IL1B: variants seen among roughly 807,000 people sequenced by gnomAD.
IL1B encodes the protein interleukin-1 beta.
A neutral mutation model predicts 26.2 loss-of-function variants in IL1B; 11 were observed. The observed-to-expected ratio is 0.42, with a 90% CI of 0.26 to 0.70. The LOEUF (loss-of-function observed/expected upper bound fraction) is 0.70, where lower values mean the gene tolerates loss of function less well. Ranked by LOEUF, IL1B falls within the 30% of genes least tolerant of loss-of-function variation. The pLI is 0.25. For missense variants in IL1B, 255 were observed against 327.5 expected, an observed-to-expected ratio of 0.78 and a Z score of 1.71; for synonymous variants, 118 against 120.8, an observed-to-expected ratio of 0.98 and a Z score of 0.15.
chr2:112,830,335 A>C lies in IL1B; in HGVS notation c.*26T>G. The C allele has an allele frequency of 6.3e-7, 1 of 1,580,758 alleles. No individual in the cohort carries two copies. Among genetic ancestry groups the C allele is most frequent in the Non-Finnish European group, 8.7e-7 (1 of 1,149,664 alleles). ...CCTAGGGATTGAGTCCACATTCAGC[A>C]CAGGACTCTCTGGGTACAGCTCTCT... On this transcript the variant is annotated 3_prime_UTR_variant, in exon 7 of 7. Coordinates refer to ENST00000263341, the MANE Select transcript of IL1B (RefSeq NM_000576.3).
chr2:112,831,771 A>G (rs1013673697), intron 5 of IL1B, among the ~76,000 whole-genome samples: 22 of 152,302 alleles, frequency 1.4e-4, no homozygotes, highest in African/African-American at 5.3e-4. Flanking sequence ...CAACTTGATC[A>G]ATGTGGAAGG....
chr2:112,833,647 A>G, intron 3 of IL1B, 72 bp from the exon 4 acceptor site: 1 of 1,375,606 alleles, frequency 7.3e-7, no homozygotes, highest in Non-Finnish European at 1.0e-6. Flanking sequence ...ATCAGAGAGT[A>G]GAAAGCTCAG....
In IL1B at chr2:112,830,325, C is replaced by T. The variant is rs1681955563; in HGVS notation, c.*36G>A. The T allele has an allele frequency of 3.2e-6, 5 of 1,556,294 alleles. No homozygotes were observed. The highest frequency in any genetic ancestry group is 4.4e-6 in the Non-Finnish European group (5 of 1,127,670). Reference sequence around the variant, plus strand: ...TTCTGCCAGCCCTAGGGATTGAGTCCACATTCAGCACAGGACTCTCTGGGT... The same window carrying T: ...TTCTGCCAGCCCTAGGGATTGAGTCTACATTCAGCACAGGACTCTCTGGGT... On this transcript the variant is annotated 3_prime_UTR_variant, in exon 7 of 7. Coordinates refer to ENST00000263341, the MANE Select transcript of IL1B (RefSeq NM_000576.3).
At chr2:112,833,817 A>AC (rs1402418507) in intron 3 of IL1B, among the ~76,000 whole-genome samples, 1 of 151,928 alleles carries the variant, frequency 6.6e-6, no homozygotes, top group Non-Finnish European at 1.5e-5. Context: ...ACATGGCGAA[A>AC]CCCCTTCTCT....
Position 112,833,578 on chromosome 2 carries a change from G to A in IL1B, c.100-3C>T. ...AGGTCCAGGTCCTGGAAGGAGCACT[G>A]CGGAGAGAGCGAGGGAGGGAGCCTG... On this transcript the variant is annotated splice_polypyrimidine_tract_variant and splice_region_variant and intron_variant, in intron 3 of 6. Transcript: ENST00000263341. The A allele has an allele frequency of 1.9e-6, 3 of 1,613,642 alleles. No homozygotes were observed. The highest frequency in any genetic ancestry group is 2.5e-6 in the Non-Finnish European group (3 of 1,179,888).
Position 112,830,455 on chromosome 2 carries a change from C to T in IL1B, c.716G>A (p.Ser239Asn), listed in dbSNP as rs1237302866. 1 of 1,613,950 alleles carries T rather than the reference C, an allele frequency of 6.2e-7. No homozygotes were observed. The highest frequency in any genetic ancestry group is 8.5e-7 in the Non-Finnish European group (1 of 1,179,962). Reference sequence around the variant, plus strand: ...GGGCATGTTTTCTGCTTGAGAGGTGCTGATGTACCAGTTGGGGAACTGGGC... The same window carrying T: ...GGGCATGTTTTCTGCTTGAGAGGTGTTGATGTACCAGTTGGGGAACTGGGC... ...ESAQFPNWYISTSQAENMPVF... is the reference protein window; with the variant it reads ...ESAQFPNWYINTSQAENMPVF... Residue 239 changes from serine (S) to asparagine (N), a missense_variant, in exon 7 of 7, where the codon AGC becomes AAC. Ser to Asn is a conservative substitution (Grantham distance 46). Transcript: ENST00000263341.
At position 112,833,382 on chromosome 2, in the gene IL1B, A is replaced by G; in HGVS notation, c.293T>C (p.Phe98Ser). Residue 98 changes from phenylalanine (F) to serine (S), a missense_variant, in exon 4 of 7, where the codon TTT becomes TCT. By Grantham distance (155) the Phe-to-Ser change is radical. Transcript: ENST00000263341. Reference sequence around the variant, plus strand: ...TGCTCTTGGCTAACTACCTTCTTCAAAGATGAAGGGAAAGAAGGTGCTCAG... The same window carrying G: ...TGCTCTTGGCTAACTACCTTCTTCAGAGATGAAGGGAAAGAAGGTGCTCAG... ...NDLSTFFPFIFEEEPIFFDTW... is the reference protein window; with the variant it reads ...NDLSTFFPFISEEEPIFFDTW... 1 of 1,614,066 alleles carries G rather than the reference A, an allele frequency of 6.2e-7. No homozygotes were observed. Among genetic ancestry groups the G allele is most frequent in the Non-Finnish European group, 8.5e-7 (1 of 1,179,918 alleles).
At position 112,830,467 on chromosome 2, in the gene IL1B, T is replaced by C; in HGVS notation, c.704A>G (p.Asn235Ser). The C allele has an allele frequency of 6.2e-7, 1 of 1,613,940 alleles. No homozygotes were observed. Among genetic ancestry groups the C allele is most frequent in the South Asian group, 1.1e-5 (1 of 91,062 alleles). ...KLEFESAQFP[N>S]WYISTSQAEN... ...TGCTTGAGAGGTGCTGATGTACCAG[T>C]TGGGGAACTGGGCAGACTCAAATTC... Residue 235 changes from asparagine to serine, a missense_variant, in exon 7 of 7, where the codon AAC (asparagine) becomes AGC (serine). Transcript: ENST00000263341.
chr2:112,835,545 G>A (rs1197090738), intron 3 of IL1B, 21 bp downstream of exon 3: 1 of 1,602,206 alleles, frequency 6.2e-7, no homozygotes, highest in African/African-American at 1.3e-5. Context: ...CTTGGGTTGG[G>A]AGTTAAACCC....
chr2:112,831,936 C>T (rs746711898), intron 5 of IL1B, among the ~76,000 whole-genome samples: 3 of 152,204 alleles, frequency 2.0e-5, no homozygotes, highest in African/African-American at 7.2e-5. Flanking sequence ...TCCTCAGTCA[C>T]AGCAGTGTCA....
In IL1B at chr2:112,832,527, G is replaced by A; in HGVS notation, c.466+135C>T. On this transcript the variant is annotated intron_variant, in intron 5 of 6. Coordinates refer to ENST00000263341, the MANE Select transcript of IL1B (RefSeq NM_000576.3). ...TGTGCCATTTCTAGGACCAAAGTTT[G>A]TATATTCCTTTTTAATATTTTTTTT... 4 of 946,562 alleles carry A rather than the reference G, an allele frequency of 4.2e-6. No homozygotes were observed. In the South Asian group the frequency reaches 5.5e-5, roughly 13 times the overall value. 58.6% of individuals were successfully genotyped at this position (946,562 alleles called of 1,614,324 possible). A position where few individuals can be genotyped will look rare whatever the true frequency, so the allele number is the denominator to read the frequency against.
chr2:112,830,082 C>T lies in IL1B; in HGVS notation c.*279G>A, dbSNP rs1299767877. On this transcript the variant is annotated 3_prime_UTR_variant, in exon 7 of 7. Transcript: ENST00000263341. Reference sequence around the variant, plus strand: ...AGGGTTTCTTAGAACCAAATGTGGCCGTGGTTTCTGTCAGGCGGGCTTTAA... The same window carrying T: ...AGGGTTTCTTAGAACCAAATGTGGCTGTGGTTTCTGTCAGGCGGGCTTTAA... The T allele has an allele frequency of 5.3e-6, 2 of 378,986 alleles. No homozygotes were observed. Among genetic ancestry groups the T allele is most frequent in the Non-Finnish European group, 9.6e-6 (2 of 208,260 alleles). 23.5% of individuals were successfully genotyped at this position (378,986 alleles called of 1,614,324 possible). A position where few individuals can be genotyped will look rare whatever the true frequency, so the allele number is the denominator to read the frequency against.
At position 112,832,689 on chromosome 2, in the gene IL1B, G is replaced by A. The variant is rs775174784; in HGVS notation, c.439C>T (p.Leu147Phe). Reference sequence around the variant, plus strand: ...TGTTGCTCCATATCCTGTCCCTGGAGGTGGAGAGCTTTCAGTTCATATGGA... The same window carrying A: ...TGTTGCTCCATATCCTGTCCCTGGAAGTGGAGAGCTTTCAGTTCATATGGA... ...SGPYELKALH[L>F]QGQDMEQQVV... Residue 147 changes from leucine (L) to phenylalanine (F), a missense_variant, in exon 5 of 7, where the codon CTC becomes TTC. Coordinates refer to ENST00000263341, the MANE Select transcript of IL1B (RefSeq NM_000576.3). 1 of 1,614,180 alleles carries A rather than the reference G, an allele frequency of 6.2e-7. No individual in the cohort carries two copies. The highest frequency in any genetic ancestry group is 1.1e-5 in the South Asian group (1 of 91,080).
In IL1B at chr2:112,830,423, G is replaced by C; in HGVS notation, c.748C>G (p.Leu250Val). The C allele has an allele frequency of 2.5e-6, 4 of 1,614,142 alleles. No individual in the cohort carries two copies. Among genetic ancestry groups the C allele is most frequent in the Non-Finnish European group, 3.4e-6 (4 of 1,180,038 alleles). Residue 250 changes from leucine (L) to valine (V), a missense_variant, in exon 7 of 7, where the codon CTG becomes GTG. Physicochemically the swap from Leu to Val is conservative, Grantham distance 32. Transcript: ENST00000263341. ...TCCTGGCCGCCTTTGGTCCCTCCCAGGAAGACGGGCATGTTTTCTGCTTGA... is the reference window on the plus strand; with the variant it reads ...TCCTGGCCGCCTTTGGTCCCTCCCACGAAGACGGGCATGTTTTCTGCTTGA... Reference protein sequence around the residue: ...TSQAENMPVFLGGTKGGQDIT... With the variant: ...TSQAENMPVFVGGTKGGQDIT...
chr2:112,836,432 AT>A (rs1553448284), intron 1 of IL1B, 188 bp from the exon 2 acceptor site: 1 of 562,034 alleles, frequency 1.8e-6, no homozygotes, highest in Non-Finnish European at 3.3e-6. Flanking sequence ...CTAGCAATGT[AT>A]TGGCTAGGAG....
Position 112,830,345 on chromosome 2 carries a change from C to T in IL1B, c.*16G>A. ...GAGTCCACATTCAGCACAGGACTCT[C>T]TGGGTACAGCTCTCTTTAGGAAGAC... On this transcript the variant is annotated 3_prime_UTR_variant, in exon 7 of 7. Transcript: ENST00000263341. 1.9e-6 allele frequency: 3 copies of T among 1,607,682 alleles called. No homozygotes were observed. The highest frequency in any genetic ancestry group is 2.6e-6 in the Non-Finnish European group (3 of 1,174,212).
intron 3 of IL1B, 113 bp from the exon 4 acceptor site, chr2:112,833,688 G>T: frequency 9.8e-7 from 1 of 1,024,688 alleles, no homozygotes; most frequent in Non-Finnish European, 1.5e-6. Flanking sequence ...AGAATCCCGA[G>T]CTTCTAAAGA....
intron 3 of IL1B, among the ~76,000 whole-genome samples, chr2:112,834,488 G>A (rs188380858): frequency 6.6e-5 from 10 of 152,324 alleles, no homozygotes; most frequent in Admixed American, 5.9e-4. Context: ...TTGCCTTAAG[G>A]CATGATAATG....
chr2:112,835,730 A>C, intron 2 of IL1B, 113 bp from the exon 3 acceptor site: 2 of 906,302 alleles, frequency 2.2e-6, no homozygotes, highest in South Asian at 1.4e-5. Flanking sequence ...CCTGCCTCTC[A>C]AAGCTGCCTG....
Sources: gnomAD v4.1 joint callset for allele counts (sites outside exome capture counted in the v4.1 genomes callset) on GRCh38, gnomAD v4.1.1 for gene constraint, MANE v1.5 for transcripts, NCBI Gene and HGNC (gene_info 2026-07-23, HGNC 2026-07-21) for gene names.